The following MKLN1 variants were observed in gnomAD, a reference collection of about 807,000 sequenced individuals.
MKLN1 encodes muskelin.
A neutral mutation model predicts 99.0 loss-of-function variants in MKLN1; 18 were observed. That is an observed-to-expected ratio of 0.18 (90% CI 0.13 to 0.27). The LOEUF is 0.27. Ranked by LOEUF, MKLN1 falls within the 10% of genes least tolerant of loss-of-function variation. The pLI is 1.00. For missense variants in MKLN1, 621 were observed against 875.9 expected (o/e 0.71, Z 3.67); for synonymous variants, 288 against 293.2 (o/e 0.98, Z 0.18).
intron 15 of MKLN1, among the ~76,000 whole-genome samples, chr7:131,469,830 G>T (rs1178557234): frequency 6.6e-6 from 1 of 150,604 alleles, no homozygotes; most frequent in Non-Finnish European, 1.5e-5. Flanking sequence ...ATAGATTTTT[G>T]TTGTTGTTTA....
intron 3 of MKLN1, among the ~76,000 whole-genome samples, chr7:131,288,768 A>G (rs1159165370): frequency 1.3e-5 from 2 of 152,018 alleles, no homozygotes; most frequent in South Asian, 4.2e-4. Context: ...AGTACTTTCT[A>G]TTCTTTTCTC....
intron 3 of MKLN1, among the ~76,000 whole-genome samples, chr7:131,220,274 C>T (rs1417536973): frequency 1.3e-5 from 2 of 152,136 alleles, no homozygotes; most frequent in African/African-American, 4.8e-5. Flanking sequence ...TTTATTGCCC[C>T]TCAACAGAAT....
chr7:131,320,553 T>G (rs575223555), intron 3 of MKLN1, among the ~76,000 whole-genome samples: 74 of 152,024 alleles, frequency 4.9e-4, no homozygotes, highest in African/African-American at 1.7e-3. Context: ...CAAAAGCAAT[T>G]GCAACAAAAG....
At chr7:131,433,672 T>C (rs1795591016) in intron 9 of MKLN1, among the ~76,000 whole-genome samples, 1 of 152,222 alleles carries the variant, frequency 6.6e-6, no homozygotes. Context: ...ATATCTCTTT[T>C]TGTACTCTGT....
At chr7:131,128,159 T>C (rs1006086349) in intron 1 of MKLN1, among the ~76,000 whole-genome samples, 26 of 148,534 alleles carry the variant, frequency 1.8e-4, no homozygotes, top group African/African-American at 5.5e-4. Flanking sequence ...GTGGTCCATA[T>C]GCAGCTTGAA....
At chr7:131,478,595 C>CT (rs3080645) in intron 16 of MKLN1, 28 bp from the exon 17 acceptor site, 156,089 of 1,216,156 alleles carry the variant, frequency 0.13, 289 homozygotes, top group East Asian at 0.16. Flanking sequence ...TTTGCTGCTT[C>CT]TTTTTTTTTT....
At chr7:131,195,427 C>T (rs1004622192) in intron 2 of MKLN1, among the ~76,000 whole-genome samples, 15 of 151,896 alleles carry the variant, frequency 9.9e-5, no homozygotes, top group African/African-American at 3.6e-4. Context: ...AGGAGAATCG[C>T]TTGAACCTGG....
chr7:131,212,946 C>T (rs1796929019), intron 3 of MKLN1, among the ~76,000 whole-genome samples: 1 of 147,414 alleles, frequency 6.8e-6, no homozygotes, highest in Admixed American at 6.7e-5. Flanking sequence ...CAAAAAACAC[C>T]TACCTTAACA....
chr7:131,468,563 T>A (rs1355111880), intron 15 of MKLN1, among the ~76,000 whole-genome samples: 1 of 152,192 alleles, frequency 6.6e-6, no homozygotes, highest in African/African-American at 2.4e-5. Context: ...ACCTCCTTGT[T>A]TCTTACTGAT....
chr7:131,344,408 G>A (rs1000942016), intron 1 of MKLN1, among the ~76,000 whole-genome samples: 3 of 152,068 alleles, frequency 2.0e-5, no homozygotes, highest in Non-Finnish European at 4.4e-5. Context: ...TAATAGAAAA[G>A]TGATGTGAAT....
At chr7:131,393,538 A>G (rs1438080900) in intron 4 of MKLN1, among the ~76,000 whole-genome samples, 1 of 152,200 alleles carries the variant, frequency 6.6e-6, no homozygotes, top group Non-Finnish European at 1.5e-5. Context: ...AATTATAACT[A>G]ATTTTATTCT....
chr7:131,346,216 A>G (rs890593179), intron 1 of MKLN1, among the ~76,000 whole-genome samples: 1 of 152,170 alleles, frequency 6.6e-6, no homozygotes, highest in African/African-American at 2.4e-5. Context: ...ACATATAACA[A>G]CTTTATTAAA....
chr7:131,226,943 G>A (rs1797156397), intron 3 of MKLN1, among the ~76,000 whole-genome samples: 1 of 152,120 alleles, frequency 6.6e-6, no homozygotes, highest in East Asian at 1.9e-4. Flanking sequence ...AATGGATTCA[G>A]CAATAATTTG....
chr7:131,334,779 G>C (rs1799202508), intron 1 of MKLN1, among the ~76,000 whole-genome samples: 1 of 152,094 alleles, frequency 6.6e-6, no homozygotes, highest in African/African-American at 2.4e-5. Context: ...ATCGTTTTTG[G>C]AAATATGAAA....
chr7:131,187,468 C>T (rs540776456), intron 2 of MKLN1, among the ~76,000 whole-genome samples: 21 of 152,208 alleles, frequency 1.4e-4, no homozygotes, highest in South Asian at 1.0e-3. Flanking sequence ...TCTGATCCAC[C>T]GCCTGTTTCT....
intron 3 of MKLN1, among the ~76,000 whole-genome samples, chr7:131,234,615 T>C (rs1350299984): frequency 1.3e-5 from 2 of 152,190 alleles, no homozygotes; most frequent in East Asian, 3.9e-4. Context: ...TTAGGGATGA[T>C]GTGTGATACT....
At chr7:131,195,866 G>A (rs1022950652) in intron 2 of MKLN1, among the ~76,000 whole-genome samples, 19 of 152,188 alleles carry the variant, frequency 1.2e-4, no homozygotes, top group East Asian at 5.8e-4. Flanking sequence ...CAGGGGAACC[G>A]CTTGAACCCA....
At chr7:131,450,572 G>A (rs1355342094) in intron 12 of MKLN1, among the ~76,000 whole-genome samples, 1 of 151,914 alleles carries the variant, frequency 6.6e-6, no homozygotes, top group Non-Finnish European at 1.5e-5. Context: ...TCCTAGTCTT[G>A]GTGTCTGTAC....
intron 1 of MKLN1, among the ~76,000 whole-genome samples, chr7:131,334,177 A>C (rs1046249461): frequency 1.3e-5 from 2 of 152,200 alleles, no homozygotes; most frequent in Non-Finnish European, 2.9e-5. Flanking sequence ...GGTGGTTATG[A>C]AAATGGATTT....
Sources: gnomAD v4.1 joint callset for allele counts (sites outside exome capture counted in the v4.1 genomes callset) on GRCh38, gnomAD v4.1.1 for gene constraint, MANE v1.5 for transcripts, NCBI Gene and HGNC (gene_info 2026-07-23, HGNC 2026-07-21) for gene names.